Variants in ARHGEF1 observed in about 807,000 individuals in gnomAD.
ARHGEF1 encodes 115 kDa guanine nucleotide exchange factor.
In ARHGEF1, 40 loss-of-function variants were observed where a neutral mutation model predicts 119.7. The ratio of observed to expected loss-of-function variants is 0.33; its 90% CI spans 0.26 to 0.44. The LOEUF (loss-of-function observed/expected upper bound fraction) is 0.44, where lower values mean the gene tolerates loss of function less well. Among genes scored for constraint, ARHGEF1 ranks in the 20% least tolerant of loss-of-function variants. The probability of loss-of-function intolerance (pLI) is 1.00; values close to 1 mark genes in which losing one functional copy is unlikely to be tolerated. For missense variants in ARHGEF1, 976 were observed against 1,268.3 expected (o/e 0.77, Z 3.50); for synonymous variants, 494 against 521.0 (o/e 0.95, Z 0.71).
In ARHGEF1 at chr19:41,929,216, C is replaced by T. The variant is rs551352847; in HGVS notation, c.296+230C>T. Among the ~76,000 whole-genome samples the T allele has an allele frequency of 5.9e-5, 9 of 152,044 alleles. No individual in the cohort carries two copies. The South Asian group carries it at 1.9e-3, about 32-fold the overall frequency. On this transcript the variant is annotated intron_variant, in intron 2 of 2. Transcript: ENST00000594417. ...CCCAACCCACAGCCACTCCCTGATCCACTGACCCACAAACTGGACACAAAG... is the reference window on the plus strand; with the variant it reads ...CCCAACCCACAGCCACTCCCTGATCTACTGACCCACAAACTGGACACAAAG...
At chr19:41,912,010 C>G (rs113304017), downstream of ARHGEF1, among the ~76,000 whole-genome samples, 9 of 151,858 alleles carry the variant, frequency 5.9e-5, no homozygotes, top group Non-Finnish European at 1.3e-4. Flanking sequence ...GACAGCCATG[C>G]GGAACGCCAC....
At position 41,896,414 on chromosome 19, in the gene ARHGEF1, G is replaced by A. The variant is rs782244443; in HGVS notation, c.1053G>A (p.Pro351=). 109 of 1,460,844 alleles carry A rather than the reference G, an allele frequency of 7.5e-5. No homozygotes were observed. Among genetic ancestry groups the A allele is most frequent in the Non-Finnish European group, 9.1e-5 (101 of 1,106,698 alleles). 90.5% of individuals were successfully genotyped at this position (1,460,844 alleles called of 1,614,324 possible). The stretch of plus-strand genomic sequence containing the variant: ...CCCTGGAGCTGGGGGACTCATCCCC[G>A]CAGGGCCCAATGAGCCTGGAGTCCT... ...DAPLELGDSS[P]QGPMSLESLA... The change falls in exon 13 of 29, where the codon CCG becomes CCA. Residue 351 remains proline (P), a synonymous_variant. Transcript: ENST00000354532.
chr19:41,909,420 G>A (rs1194350802), downstream of ARHGEF1: 2 of 1,237,700 alleles, frequency 1.6e-6, no homozygotes, highest in Non-Finnish European at 2.0e-6. The surrounding 1 kb of genome is among the most constrained non-coding windows in gnomAD (Gnocchi z 5.2). Flanking sequence ...TGAACTTGTA[G>A]GTGAACCTCT....
chr19:41,921,870 C>T (rs551573978), upstream of ARHGEF1, among the ~76,000 whole-genome samples: 2 of 151,900 alleles, frequency 1.3e-5, no homozygotes, highest in Admixed American at 6.5e-5. This position sits in a 1 kb window ranked among gnomAD's most constrained non-coding sequence, Gnocchi z 4.4. Flanking sequence ...CTTCAAAGCC[C>T]ACCCTACCCC....
rs1405038716 is a variant in ARHGEF1 at position 41,905,464 on chromosome 19, ATG to A, written c.2336+210_2336+211del. ...TGTATGCATGCATGTGTGCGTGTGC[ATG>A]TGTGTGCGTGTATGGTGTGTGTGTA... On this transcript the variant is annotated intron_variant, in intron 24 of 28. Transcript: ENST00000354532. This position sits in a 1 kb window ranked among gnomAD's most constrained non-coding sequence, Gnocchi z 6.4. 4.2e-5 allele frequency: 26 copies of A among 617,248 alleles called. No homozygotes were observed. The highest frequency in any genetic ancestry group is 7.8e-5 in the South Asian group (4 of 51,050). 38.2% of individuals were successfully genotyped at this position (617,248 alleles called of 1,614,324 possible).
rs1555850019 is a variant in ARHGEF1 at position 41,905,730 on chromosome 19, G to A, written c.2337-30G>A. On this transcript the variant is annotated intron_variant, in intron 24 of 28. Coordinates refer to ENST00000354532, the MANE Select transcript of ARHGEF1 (RefSeq NM_004706.4). This position sits in a 1 kb window ranked among gnomAD's most constrained non-coding sequence, Gnocchi z 6.4. ...CCTGCGGCCCCCCAGGGCCAGGGGTGTGGGGTCACCCAGCACTTCCTCCCC... is the reference window on the plus strand; with the variant it reads ...CCTGCGGCCCCCCAGGGCCAGGGGTATGGGGTCACCCAGCACTTCCTCCCC... 2 of 1,613,058 alleles carry A rather than the reference G, an allele frequency of 1.2e-6. No homozygotes were observed. The highest frequency in any genetic ancestry group is 1.1e-5 in the South Asian group (1 of 91,068).
rs1230244292 is a variant in ARHGEF1 at position 41,916,414 on chromosome 19, C to T, written c.1866-6678C>T. Among the ~76,000 whole-genome samples the T allele has an allele frequency of 6.6e-6, 1 of 152,112 alleles. No individual in the cohort carries two copies. The highest frequency in any genetic ancestry group is 2.4e-5 in the African/African-American group (1 of 41,408). Reference sequence around the variant, plus strand: ...GTAAAGTCACACACCAACACTGTCACAGTCACACACACACACATCAGCATA... The same window carrying T: ...GTAAAGTCACACACCAACACTGTCATAGTCACACACACACACATCAGCATA... On this transcript the variant is annotated intron_variant, in intron 18 of 20. Transcript: ENST00000599589. The surrounding 1 kb of genome is among the most constrained non-coding windows in gnomAD (Gnocchi z 5.4).
chr19:41,896,121 A>G (rs2074480912), intron 12 of ARHGEF1, among the ~76,000 whole-genome samples: 1 of 151,940 alleles, frequency 6.6e-6, no homozygotes, highest in Admixed American at 6.6e-5. Context: ...TTTGTGACCT[A>G]TTTGCTAGGC....
At chr19:41,907,067 A>G in intron 28 of ARHGEF1, 38 bp from the exon 29 acceptor site, 2 of 1,448,546 alleles carry the variant, frequency 1.4e-6, no homozygotes, top group African/African-American at 1.4e-5. Context: ...CTCTCTCTCC[A>G]TCTCTCCCCG....
At chr19:41,926,687 C>A (rs2074872540) in intron 1 of ARHGEF1, among the ~76,000 whole-genome samples, 1 of 151,734 alleles carries the variant, frequency 6.6e-6, no homozygotes, top group African/African-American at 2.4e-5. Flanking sequence ...CGATGCGGAG[C>A]GCGTCTGGGC....
At chr19:41,929,426 G>C (rs782118734) in intron 2 of ARHGEF1, among the ~76,000 whole-genome samples, 3 of 152,134 alleles carry the variant, frequency 2.0e-5, no homozygotes, top group Non-Finnish European at 4.4e-5. Context: ...AGCCAGATCT[G>C]CTCCCATTGA....
At chr19:41,890,239 C>T (rs113854523) in intron 4 of ARHGEF1, 5,175 of 152,058 alleles carry the variant, frequency 0.034, 289 homozygotes, top group African/African-American at 0.11. Context: ...GTAGTCCCAA[C>T]GCTTTGGGAG....
rs552106853 is a variant in ARHGEF1 at position 41,892,903 on chromosome 19, C to T, written c.614+54C>T. ...CGCCCCTCCCCAGCACAAGGGCACC[C>T]GTGCTACCTCTGGCATGTTCCATCC... is the stretch of plus-strand genomic sequence containing the variant. On this transcript the variant is annotated intron_variant, in intron 7 of 28. Coordinates refer to ENST00000354532, the MANE Select transcript of ARHGEF1 (RefSeq NM_004706.4). The surrounding 1 kb of genome is among the most constrained non-coding windows in gnomAD (Gnocchi z 6.3). 1.9e-5 allele frequency: 27 copies of T among 1,443,698 alleles called. No homozygotes were observed. Among genetic ancestry groups the T allele is most frequent in the Admixed American group, 1.6e-4 (6 of 37,824 alleles). 89.4% of individuals were successfully genotyped at this position (1,443,698 alleles called of 1,614,324 possible).
At chr19:41,911,514 G>A (rs548983883), downstream of ARHGEF1, among the ~76,000 whole-genome samples, 13 of 152,358 alleles carry the variant, frequency 8.5e-5, no homozygotes, top group South Asian at 2.5e-3. Context: ...GCAAGGGGGC[G>A]CAGGGTCCCA....
chr19:41,907,804 TG>T, downstream of ARHGEF1: 1 of 170,762 alleles, frequency 5.9e-6, no homozygotes, highest in East Asian at 1.6e-4. Context: ...GGGTGGGGGC[TG>T]GGGGCGGGGT....
chr19:41,905,357 G>C lies in ARHGEF1; in HGVS notation c.2336+96G>C. 9.0e-7 allele frequency: 1 copy of C among 1,107,660 alleles called. No individual in the cohort carries two copies. The highest frequency in any genetic ancestry group is 1.5e-5 in the South Asian group (1 of 67,464). The allele number at this position is 1,107,660 out of a possible 1,614,324, so 68.6% of individuals were successfully genotyped here. A position where few individuals can be genotyped will look rare whatever the true frequency, so the allele number is the denominator to read the frequency against. ...CAACTCCAGAACCGTCTCTGTGTGA[G>C]CATGCACATGTGTGAATGCATGTGT... On this transcript the variant is annotated intron_variant, in intron 24 of 28. Coordinates refer to ENST00000354532, the MANE Select transcript of ARHGEF1 (RefSeq NM_004706.4). This position sits in a 1 kb window ranked among gnomAD's most constrained non-coding sequence, Gnocchi z 6.4.
At chr19:41,911,978 C>A (rs2074754918), downstream of ARHGEF1, among the ~76,000 whole-genome samples, 1 of 151,958 alleles carries the variant, frequency 6.6e-6, no homozygotes, top group African/African-American at 2.4e-5. Flanking sequence ...ATGCATCCCC[C>A]CCACAGCCCC....
chr19:41,899,441 CT>C (rs1158550070), intron 14 of ARHGEF1, among the ~76,000 whole-genome samples: 2 of 149,512 alleles, frequency 1.3e-5, no homozygotes, highest in Non-Finnish European at 3.0e-5. Flanking sequence ...TCATTTTTGT[CT>C]TTTTCCTTTT....
At chr19:41,925,425 C>T (rs1402397795) in intron 1 of ARHGEF1, among the ~76,000 whole-genome samples, 1 of 151,968 alleles carries the variant, frequency 6.6e-6, no homozygotes, top group African/African-American at 2.4e-5. Flanking sequence ...ACTCCTGCCC[C>T]AAACGTGTGT....
Sources: gnomAD v4.1 joint callset for allele counts (sites outside exome capture counted in the v4.1 genomes callset) on GRCh38, gnomAD v4.1.1 for gene constraint, Gnocchi (gnomAD v3.1) non-coding constraint, MANE v1.5 for transcripts, NCBI Gene and HGNC (gene_info 2026-07-23, HGNC 2026-07-21) for gene names.